The following NRP2 variants were observed in gnomAD, a reference collection of about 807,000 sequenced individuals.
NRP2 encodes the protein neuropilin 2.
In NRP2, 52 loss-of-function variants were observed where a neutral mutation model predicts 110.4. The observed-to-expected ratio is 0.47, with a 90% CI of 0.38 to 0.59. The LOEUF (loss-of-function observed/expected upper bound fraction) is 0.59. NRP2 is among the 20% of genes least tolerant of loss of function. The probability of loss-of-function intolerance (pLI) is 0.00; values close to 1 mark genes in which losing one functional copy is unlikely to be tolerated. For missense variants in NRP2, 1,049 were observed against 1,203.0 expected (o/e 0.87, Z 1.89); for synonymous variants, 508 against 468.9 (o/e 1.08, Z -1.08).
chr2:205,790,351 C>T (rs1575686960), intron 15 of NRP2, among the ~76,000 whole-genome samples: 1 of 152,230 alleles, frequency 6.6e-6, no homozygotes, highest in Admixed American at 6.5e-5. Flanking sequence ...GCCACATTCA[C>T]CCCTTTCCAG....
At chr2:205,687,177 G>A (rs1010411201) in intron 1 of NRP2, among the ~76,000 whole-genome samples, 1 of 152,160 alleles carries the variant, frequency 6.6e-6, no homozygotes, top group Non-Finnish European at 1.5e-5. Context: ...GTCTGGACTG[G>A]ATGATCAGAT....
chr2:205,733,301 G>A (rs2057277193), intron 7 of NRP2, among the ~76,000 whole-genome samples: 1 of 152,198 alleles, frequency 6.6e-6, no homozygotes, highest in Non-Finnish European at 1.5e-5. Context: ...CCCTGGCGCT[G>A]ATAGCCTTGA....
At position 205,796,510 on chromosome 2, in the gene NRP2, A is replaced by G. The variant is rs772882497; in HGVS notation, c.*1452A>G. 2.0e-5 allele frequency: 3 copies of G among 152,588 alleles called. No homozygotes were observed. Among genetic ancestry groups the G allele is most frequent in the African/African-American group, 7.2e-5 (3 of 41,426 alleles). The allele number at this position is 152,588 out of a possible 1,614,324, so 9.5% of individuals were successfully genotyped here. Reference sequence around the variant, plus strand: ...AAGTGCCTTGAAAAAATGAAGAAAAATGTATTTTCCCTTTATGTAAAAATT... The same window carrying G: ...AAGTGCCTTGAAAAAATGAAGAAAAGTGTATTTTCCCTTTATGTAAAAATT... On this transcript the variant is annotated 3_prime_UTR_variant, in exon 17 of 17. Transcript: ENST00000357785.
intron 3 of NRP2, among the ~76,000 whole-genome samples, chr2:205,721,481 C>T (rs746855448): frequency 5.3e-5 from 8 of 152,116 alleles, no homozygotes; most frequent in Non-Finnish European, 7.4e-5. Flanking sequence ...CTCCCGGGAC[C>T]CATCTGTGGT....
At chr2:205,715,194 G>A (rs1233574863) in intron 2 of NRP2, among the ~76,000 whole-genome samples, 2 of 152,188 alleles carry the variant, frequency 1.3e-5, no homozygotes, top group African/African-American at 4.8e-5. Context: ...CAGCACAAAC[G>A]CAGCACAGTG....
intron 3 of NRP2, among the ~76,000 whole-genome samples, chr2:205,718,890 C>T (rs1032772262): frequency 6.0e-5 from 9 of 148,806 alleles, no homozygotes; most frequent in Non-Finnish European, 1.3e-4. Flanking sequence ...GGCAGTGAGC[C>T]GAGATCATGC....
chr2:205,742,544 G>C (rs974354110), intron 8 of NRP2, among the ~76,000 whole-genome samples: 5 of 152,292 alleles, frequency 3.3e-5, no homozygotes, highest in Admixed American at 3.3e-4. Flanking sequence ...TGTTAGTCTG[G>C]GGGTGACTGA....
At chr2:205,729,646 T>C (rs2057198640) in intron 7 of NRP2, among the ~76,000 whole-genome samples, 1 of 152,240 alleles carries the variant, frequency 6.6e-6, no homozygotes, top group African/African-American at 2.4e-5. Flanking sequence ...TACTGTAGCA[T>C]AAGCTGTTTT....
chr2:205,752,740 C>T (rs1177827000), intron 11 of NRP2, 95 bp from the exon 12 acceptor site: 1 of 1,349,750 alleles, frequency 7.4e-7, no homozygotes, highest in East Asian at 2.3e-5. Flanking sequence ...CTGCTCTCCA[C>T]TCAGGCCTTG....
At chr2:205,729,922 C>T (rs2105833011) in intron 7 of NRP2, among the ~76,000 whole-genome samples, 1 of 152,274 alleles carries the variant, frequency 6.6e-6, no homozygotes, top group East Asian at 1.9e-4. Context: ...TCCCCAGCAG[C>T]CAAGGGGTAA....
intron 2 of NRP2, among the ~76,000 whole-genome samples, chr2:205,710,531 G>A (rs949721): frequency 0.043 from 6,537 of 152,294 alleles, 180 homozygotes; most frequent in Middle Eastern, 0.11. Flanking sequence ...AGAAATTCAA[G>A]GAAATGAAAT....
At chr2:205,766,212 G>A (rs866230351) in intron 14 of NRP2, among the ~76,000 whole-genome samples, 2 of 152,312 alleles carry the variant, frequency 1.3e-5, no homozygotes, top group East Asian at 1.9e-4. Context: ...TGAGAGGCAC[G>A]CATTTTCTTC....
rs753261998 is a variant in NRP2, at chr2:205,743,265, G to T, written c.1354G>T (p.Ala452Ser). Residue 452 changes from alanine to serine, a missense_variant, in exon 9 of 17, where the codon GCC (alanine) becomes TCC (serine). Physicochemically the swap from Ala to Ser is moderately conservative, Grantham distance 99 (BLOSUM62 1). Transcript: ENST00000357785. ...SGLIADSQIS[A>S]SSTQEYLWSP... ...CCTCATTGCAGACTCCCAGATCTCC[G>T]CCTCTTCCACCCAGGAATACCTCTG... is the stretch of plus-strand genomic sequence containing the variant. The T allele has an allele frequency of 1.2e-6, 2 of 1,613,912 alleles. No individual in the cohort carries two copies. Among genetic ancestry groups the T allele is most frequent in the East Asian group, 2.2e-5 (1 of 44,886 alleles).
intron 2 of NRP2, 69 bp downstream of exon 2, chr2:205,697,790 C>A: frequency 6.9e-7 from 1 of 1,452,086 alleles, no homozygotes; most frequent in South Asian, 1.1e-5. Flanking sequence ...CACCCCTGCT[C>A]TTGTCACTTC....
intron 13 of NRP2, chr2:205,764,488 A>AGATG (rs1195976642): frequency 6.2e-6 from 1 of 161,666 alleles, no homozygotes; most frequent in African/African-American, 2.4e-5. Flanking sequence ...ACTGAGGCAC[A>AGATG]GATGGGTATG....
At chr2:205,747,973 C>T (rs1033155827) in intron 10 of NRP2, among the ~76,000 whole-genome samples, 2 of 152,106 alleles carry the variant, frequency 1.3e-5, no homozygotes, top group Non-Finnish European at 1.5e-5. Flanking sequence ...TCTCTGACAT[C>T]TGGTTTCAAT....
intron 2 of NRP2, among the ~76,000 whole-genome samples, chr2:205,702,401 G>A (rs2056579123): frequency 2.0e-5 from 3 of 152,204 alleles, no homozygotes; most frequent in African/African-American, 7.2e-5. Context: ...TAGGACTGGG[G>A]AGTGATCCCC....
intron 1 of NRP2, among the ~76,000 whole-genome samples, chr2:205,695,502 A>AGG (rs1449753944): frequency 6.6e-6 from 1 of 152,112 alleles, no homozygotes; most frequent in Admixed American, 6.5e-5. Context: ...TGGGGAAAGG[A>AGG]GGGAGAGAGT....
intron 8 of NRP2, among the ~76,000 whole-genome samples, chr2:205,741,219 C>A (rs2057435730): frequency 6.6e-6 from 1 of 152,184 alleles, no homozygotes; most frequent in African/African-American, 2.4e-5. Flanking sequence ...AATATAAAAT[C>A]AAAACTATGA....
Sources: gnomAD v4.1 joint callset for allele counts (sites outside exome capture counted in the v4.1 genomes callset) on GRCh38, gnomAD v4.1.1 for gene constraint, MANE v1.5 for transcripts, NCBI Gene and HGNC (gene_info 2026-07-23, HGNC 2026-07-21) for gene names.